The following PHF7 variants were observed in gnomAD, a reference collection of about 807,000 sequenced individuals.
PHF7 encodes E3 ubiquitin-protein ligase PHF7.
A neutral mutation model predicts 47.5 loss-of-function variants in PHF7; 24 were observed. That is an observed-to-expected ratio of 0.51 (90% CI 0.37 to 0.71). PHF7 has a LOEUF of 0.71. PHF7 is among the 30% of genes least tolerant of loss of function. The pLI, the probability that PHF7 is intolerant of heterozygous loss-of-function variation, is 0.00. For missense variants in PHF7, 361 were observed against 456.8 expected, an observed-to-expected ratio of 0.79 and a Z score of 1.91; for synonymous variants, 156 against 153.8, an observed-to-expected ratio of 1.01 and a Z score of -0.11.
intron 4 of PHF7, 37 bp from the exon 5 acceptor site, chr3:52,419,796 C>G (rs1240171519): frequency 1.7e-6 from 2 of 1,143,812 alleles, no homozygotes; most frequent in Non-Finnish European, 2.6e-6. Context: ...TTTCACTGAT[C>G]ATCATTGTTA....
chr3:52,420,692 G>A (rs529152004), intron 6 of PHF7, among the ~76,000 whole-genome samples: 5 of 152,320 alleles, frequency 3.3e-5, no homozygotes, highest in South Asian at 2.1e-4. Flanking sequence ...TTTCAGGAAC[G>A]AGAGGCTATG....
In PHF7 at chr3:52,419,866, T is replaced by C. The variant is rs759579620; in HGVS notation, c.220T>C (p.Ser74Pro). ...TAGTAAGCTGCCTCAGAGGGGCCAG[T>C]CCAACAGAGGCTTCCATGGATTTCT... ...LSSKLPQRGQ[S>P]NRGFHGFLPE... is the part of the protein sequence containing the mutation. The change falls in exon 5 of 11, where the codon TCC becomes CCC. Residue 74 changes from serine (S) to proline (P), a missense_variant. By Grantham distance (74) the Ser-to-Pro change is moderately conservative. Coordinates refer to ENST00000327906, the MANE Select transcript of PHF7 (RefSeq NM_016483.7). The C allele has an allele frequency of 1.9e-6, 3 of 1,609,372 alleles. No individual in the cohort carries two copies. Among genetic ancestry groups the C allele is most frequent in the Non-Finnish European group, 2.5e-6 (3 of 1,177,404 alleles).
intron 10 of PHF7, 38 bp downstream of exon 10, chr3:52,422,919 G>A (rs1181216476): frequency 1.2e-6 from 2 of 1,613,086 alleles, no homozygotes; most frequent in Non-Finnish European, 1.7e-6. Flanking sequence ...AGAGCAAGGA[G>A]GGGGCTGTAG....
rs1487910463 is a variant in PHF7 at position 52,420,972 on chromosome 3, C to T, written c.483C>T (p.Ile161=). Reference sequence around the variant, plus strand: ...GGCATGTGGGGGAGGAAAGCTGCATCTTATGTTGTGAAGACTTATCCCAAC... The same window carrying T: ...GGCATGTGGGGGAGGAAAGCTGCATTTTATGTTGTGAAGACTTATCCCAAC... ...QHGHVGEESC[I]LCCEDLSQQS... The change falls in exon 7 of 11, where the codon ATC becomes ATT. Residue 161 remains isoleucine, a synonymous_variant. Transcript: ENST00000327906. 1.9e-6 allele frequency: 3 copies of T among 1,613,738 alleles called. No homozygotes were observed. Among genetic ancestry groups the T allele is most frequent in the Non-Finnish European group, 1.7e-6 (2 of 1,179,700 alleles).
At chr3:52,412,511 T>C (rs977875424) in intron 1 of PHF7, among the ~76,000 whole-genome samples, 1 of 152,242 alleles carries the variant, frequency 6.6e-6, no homozygotes, top group East Asian at 1.9e-4. Flanking sequence ...TGAGAGTTAG[T>C]GTTGGCCTCT....
At chr3:52,422,466 T>G in intron 9 of PHF7, 128 bp downstream of exon 9, 1 of 736,386 alleles carries the variant, frequency 1.4e-6, no homozygotes, top group Non-Finnish European at 2.4e-6. Context: ...GATTGCTAAG[T>G]CTCATTCTTG....
In PHF7 at chr3:52,410,859, C is replaced by CA. The variant is rs1191618531; in HGVS notation, c.-457dup. 2 of 152,336 alleles carry CA rather than the reference C, an allele frequency of 1.3e-5. No homozygotes were observed. Among genetic ancestry groups the CA allele is most frequent in the African/African-American group, 4.8e-5 (2 of 41,466 alleles). The allele number at this position is 152,336 out of a possible 1,614,324, so 9.4% of individuals were successfully genotyped here. A position where few individuals can be genotyped will look rare whatever the true frequency, so the allele number is the denominator to read the frequency against. ...GCCCGGCCCTGCACTGGCCGCCCGG[C>CA]AGGCGCGACATGAGCCTGGTCTGGC... On this transcript the variant is annotated 5_prime_UTR_variant, in exon 1 of 11. Coordinates refer to ENST00000327906, the MANE Select transcript of PHF7 (RefSeq NM_016483.7).
intron 4 of PHF7, among the ~76,000 whole-genome samples, chr3:52,418,955 G>A (rs913336358): frequency 1.3e-4 from 19 of 151,874 alleles, no homozygotes; most frequent in South Asian, 2.1e-4. Context: ...TTACAGGCGC[G>A]CACCACCATG....
chr3:52,413,314 A>G (rs1424059359), intron 2 of PHF7, among the ~76,000 whole-genome samples: 2 of 152,366 alleles, frequency 1.3e-5, no homozygotes, highest in Non-Finnish European at 2.9e-5. Flanking sequence ...GTGCCTCGCA[A>G]CAGGAAATAC....
chr3:52,421,788 G>T, intron 8 of PHF7, 34 bp downstream of exon 8: 1 of 1,132,922 alleles, frequency 8.8e-7, no homozygotes, highest in Non-Finnish European at 1.3e-6. Flanking sequence ...ACTGAGCCAG[G>T]GAGTGGGTTG....
chr3:52,420,495 T>G (rs1705754389), intron 6 of PHF7, 60 bp downstream of exon 6: 5 of 1,561,288 alleles, frequency 3.2e-6, no homozygotes, highest in South Asian at 2.2e-5. Flanking sequence ...CAGCCACTAA[T>G]GAAATCAGAG....
In PHF7 at chr3:52,423,110, A is replaced by T; in HGVS notation, c.939A>T (p.Ser313=). 6.2e-7 allele frequency: 1 copy of T among 1,612,882 alleles called. No homozygotes were observed. Among genetic ancestry groups the T allele is most frequent in the Non-Finnish European group, 8.5e-7 (1 of 1,178,860 alleles). The change falls in exon 11 of 11, where the codon TCA becomes TCT. Residue 313 remains serine, a synonymous_variant. Transcript: ENST00000327906. The stretch of plus-strand genomic sequence containing the variant: ...CACCAGACTACATACCTGAAAACTC[A>T]GGGGACATCCCTTGCTGCAGCAGCA... ...AAATDYIPEN[S]GDIPCCSSTF...
At chr3:52,411,970 C>T (rs565802354) in intron 1 of PHF7, among the ~76,000 whole-genome samples, 1 of 152,140 alleles carries the variant, frequency 6.6e-6, no homozygotes, top group Non-Finnish European at 1.5e-5. Context: ...AATCCCAGCA[C>T]TTTGGGAGGC....
chr3:52,422,265 T>C lies in PHF7; in HGVS notation c.724T>C (p.Tyr242His), dbSNP rs761243941. ...CGAGCCAGGGGCTTTCTCAGACTTA[T>C]ATCAGCGCTATCAGCACTGTGATGC... The part of the protein sequence containing the change: ...ELEPGAFSDL[Y>H]QRYQHCDAPI... The change falls in exon 9 of 11, where the codon TAT (tyrosine) becomes CAT (histidine). Residue 242 changes from tyrosine (Y) to histidine (H), a missense_variant. Physicochemically the swap from Tyr to His is moderately conservative, Grantham distance 83. Coordinates refer to ENST00000327906, the MANE Select transcript of PHF7 (RefSeq NM_016483.7). 34 of 1,613,980 alleles carry C rather than the reference T, an allele frequency of 2.1e-5. No homozygotes were observed. Among genetic ancestry groups the C allele is most frequent in the South Asian group, 1.1e-4 (10 of 91,084 alleles).
In PHF7 at chr3:52,421,719, A is replaced by C; in HGVS notation, c.645A>C (p.Gln215His). 4 of 1,603,574 alleles carry C rather than the reference A, an allele frequency of 2.5e-6. No homozygotes were observed. The highest frequency in any genetic ancestry group is 3.4e-6 in the Non-Finnish European group (4 of 1,170,436). ...GTAACAATCGAAAAGAGTTTCCTCAAGAAATGCTGAGAATGGGAATTCATA... is the reference window on the plus strand; with the variant it reads ...GTAACAATCGAAAAGAGTTTCCTCACGAAATGCTGAGAATGGGAATTCATA... ...PQCNNRKEFP[Q>H]EMLRMGIHIP... The change falls in exon 8 of 11, where the codon CAA becomes CAC. Residue 215 changes from glutamine to histidine, a missense_variant. By Grantham distance (24) the Gln-to-His change is conservative. Coordinates refer to ENST00000327906, the MANE Select transcript of PHF7 (RefSeq NM_016483.7).
At chr3:52,419,011 G>A (rs947514898) in intron 4 of PHF7, among the ~76,000 whole-genome samples, 1 of 152,030 alleles carries the variant, frequency 6.6e-6, no homozygotes. Flanking sequence ...CACCATGTTG[G>A]CCAGGCTGGT....
At chr3:52,416,147 A>G (rs576021180) in intron 4 of PHF7, among the ~76,000 whole-genome samples, 2 of 147,426 alleles carry the variant, frequency 1.4e-5, no homozygotes, top group Non-Finnish European at 3.0e-5. Context: ...GCTTCTTTTC[A>G]TGTGCATATT....
At chr3:52,412,684 C>T in intron 1 of PHF7, 127 bp from the exon 2 acceptor site, 1 of 598,886 alleles carries the variant, frequency 1.7e-6, no homozygotes, top group South Asian at 2.0e-5. Context: ...ATGTCAAGTA[C>T]CTAGAACAGT....
At chr3:52,414,998 A>G (rs1705578659) in intron 4 of PHF7, among the ~76,000 whole-genome samples, 1 of 152,170 alleles carries the variant, frequency 6.6e-6, no homozygotes, top group African/African-American at 2.4e-5. Context: ...CTTGCCTCAA[A>G]AAAAGAAAAA....
Sources: allele counts gnomAD v4.1 joint callset (sites outside exome capture counted in the v4.1 genomes callset), GRCh38; gene constraint gnomAD v4.1.1; transcripts MANE v1.5; gene names NCBI Gene and HGNC (gene_info 2026-07-23, HGNC 2026-07-21).